ZNF385B: variants seen among roughly 807,000 people sequenced by gnomAD.
The protein encoded by ZNF385B is zinc finger protein 385B.
In ZNF385B, 23 loss-of-function variants were observed where a neutral mutation model predicts 39.2. The ratio of observed to expected loss-of-function variants is 0.59; its 90% CI spans 0.42 to 0.83. ZNF385B has a LOEUF of 0.83. Among genes scored for constraint, ZNF385B ranks in the 40% least tolerant of loss-of-function variants. The probability of loss-of-function intolerance (pLI) is 0.00; values close to 1 mark genes in which losing one functional copy is unlikely to be tolerated. For missense variants in ZNF385B, 552 were observed against 598.9 expected (o/e 0.92, Z 0.82); for synonymous variants, 205 against 222.6 (o/e 0.92, Z 0.70).
At chr2:179,839,308 C>T (rs1306764188) in intron 1 of ZNF385B, among the ~76,000 whole-genome samples, 1 of 152,170 alleles carries the variant, frequency 6.6e-6, no homozygotes, top group African/African-American at 2.4e-5. Context: ...GAACTGTGAG[C>T]AGTTGGAGTC....
chr2:179,496,454 C>T (rs1169723146), intron 5 of ZNF385B, among the ~76,000 whole-genome samples: 1 of 151,990 alleles, frequency 6.6e-6, no homozygotes, highest in Non-Finnish European at 1.5e-5. Context: ...GAGAACTTCC[C>T]AAACATAGAG....
chr2:179,713,586 T>G (rs923843603), intron 3 of ZNF385B, among the ~76,000 whole-genome samples: 3 of 152,214 alleles, frequency 2.0e-5, no homozygotes, highest in African/African-American at 7.2e-5. Context: ...ATTGCATGAT[T>G]ATTTGATTAA....
intron 3 of ZNF385B, among the ~76,000 whole-genome samples, chr2:179,669,238 G>C (rs1265997831): frequency 6.6e-6 from 1 of 152,140 alleles, no homozygotes; most frequent in African/African-American, 2.4e-5. Context: ...TGAGGAGTGG[G>C]GATTTGAAAG....
At chr2:179,773,540 G>A (rs925425013) in intron 1 of ZNF385B, among the ~76,000 whole-genome samples, 1 of 152,076 alleles carries the variant, frequency 6.6e-6, no homozygotes, top group African/African-American at 2.4e-5. Context: ...GCACTCCTGA[G>A]GCATTGTGTT....
intron 3 of ZNF385B, among the ~76,000 whole-genome samples, chr2:179,767,976 G>A (rs1316698602): frequency 6.7e-6 from 1 of 149,604 alleles, no homozygotes; most frequent in African/African-American, 2.4e-5. Flanking sequence ...TTGAGATGGA[G>A]TCTCGCTCTA....
chr2:179,808,002 C>G (rs1706487536), intron 1 of ZNF385B, among the ~76,000 whole-genome samples: 1 of 151,872 alleles, frequency 6.6e-6, no homozygotes, highest in African/African-American at 2.4e-5. Context: ...ATACAAATAT[C>G]ATTTATAATA....
intron 3 of ZNF385B, among the ~76,000 whole-genome samples, chr2:179,581,517 G>A (rs1686516982): frequency 1.3e-5 from 2 of 152,114 alleles, no homozygotes; most frequent in South Asian, 2.1e-4. Context: ...CTGGTAAAAC[G>A]TTTCTCCTTA....
intron 4 of ZNF385B, among the ~76,000 whole-genome samples, chr2:179,529,234 T>G (rs889062079): frequency 6.6e-6 from 1 of 152,206 alleles, no homozygotes; most frequent in Non-Finnish European, 1.5e-5. Flanking sequence ...CAAATGCAAC[T>G]GCTGTTTTCA....
Position 179,443,264 on chromosome 2 carries a change from AGAG to A in ZNF385B, c.1444_1446del (p.Leu482del). On this transcript the variant is annotated inframe_deletion, in exon 10 of 10. Coordinates refer to ENST00000410066, the MANE Select transcript of ZNF385B (RefSeq NM_152520.6). ...GTTTGCAGACGTTAGTACGGAGCAAAGAGGATGGAGGCAGGAGTGGCGCGGATG... is the reference window on the plus strand; with the variant it reads ...GTTTGCAGACGTTAGTACGGAGCAAAGATGGAGGCAGGAGTGGCGCGGATG... The A allele has an allele frequency of 6.2e-7, 1 of 1,612,408 alleles. No individual in the cohort carries two copies. Among genetic ancestry groups the A allele is most frequent in the Non-Finnish European group, 8.5e-7 (1 of 1,180,020 alleles).
intron 4 of ZNF385B, chr2:179,523,035 C>A: frequency 3.8e-6 from 1 of 261,424 alleles, no homozygotes; most frequent in Non-Finnish European, 8.2e-6. Flanking sequence ...AAGCCTGAAA[C>A]ACTAACTAAA....
intron 3 of ZNF385B, among the ~76,000 whole-genome samples, chr2:179,699,515 C>G (rs1032425996): frequency 2.6e-5 from 4 of 152,168 alleles, no homozygotes; most frequent in African/African-American, 4.8e-5. Flanking sequence ...GGGTTTTTCA[C>G]TACACAATTA....
intron 3 of ZNF385B, chr2:179,745,654 A>G: frequency 7.0e-7 from 1 of 1,428,682 alleles, no homozygotes; most frequent in Middle Eastern, 1.8e-4. Context: ...AACATACAAA[A>G]GAATCTGTTA....
intron 1 of ZNF385B, among the ~76,000 whole-genome samples, chr2:179,780,227 G>A (rs1489871106): frequency 6.6e-6 from 1 of 152,150 alleles, no homozygotes; most frequent in Non-Finnish European, 1.5e-5. Context: ...CTTCATGTTA[G>A]AGAATGAACA....
intron 3 of ZNF385B, among the ~76,000 whole-genome samples, chr2:179,694,310 C>T (rs943653576): frequency 1.5e-4 from 22 of 150,478 alleles, no homozygotes; most frequent in Admixed American, 1.1e-3. Context: ...AGAGATGACA[C>T]ATCTAGAATT....
chr2:179,676,606 G>A (rs1696863931), intron 3 of ZNF385B, among the ~76,000 whole-genome samples: 1 of 152,208 alleles, frequency 6.6e-6, no homozygotes, highest in Non-Finnish European at 1.5e-5. Context: ...AGCAGCGGGG[G>A]GACAGGCAGA....
At chr2:179,705,664 A>G (rs1401676800) in intron 3 of ZNF385B, among the ~76,000 whole-genome samples, 2 of 152,170 alleles carry the variant, frequency 1.3e-5, no homozygotes, top group Non-Finnish European at 2.9e-5. Flanking sequence ...CTTTGACCTC[A>G]GTAAGAGAAA....
At chr2:179,682,726 T>G (rs2106327719) in intron 3 of ZNF385B, among the ~76,000 whole-genome samples, 1 of 152,298 alleles carries the variant, frequency 6.6e-6, no homozygotes, top group Admixed American at 6.5e-5. Context: ...TACATTTGTA[T>G]GTATGTGATA....
rs576097531 is a variant in ZNF385B at position 179,624,018 on chromosome 2, C to T, written c.299-79049G>A. Among the ~76,000 whole-genome samples the T allele has an allele frequency of 5.3e-5, 8 of 152,276 alleles. No homozygotes were observed. The East Asian group carries it at 1.5e-3, about 29-fold the overall frequency. ...CTGGTAGTTGTTTCTATGCTTTCCT[C>T]AAGATCACCTCTCCTTAGGTTCACT... On this transcript the variant is annotated intron_variant, in intron 3 of 9. Coordinates refer to ENST00000410066, the MANE Select transcript of ZNF385B (RefSeq NM_152520.6).
At chr2:179,524,726 A>G (rs1192667535) in intron 4 of ZNF385B, among the ~76,000 whole-genome samples, 2 of 152,062 alleles carry the variant, frequency 1.3e-5, no homozygotes, top group African/African-American at 4.8e-5. Context: ...AGGTAGTACA[A>G]ACTCTACTCA....
Sources: gnomAD v4.1 joint callset for allele counts (sites outside exome capture counted in the v4.1 genomes callset) on GRCh38, gnomAD v4.1.1 for gene constraint, MANE v1.5 for transcripts, NCBI Gene and HGNC (gene_info 2026-07-23, HGNC 2026-07-21) for gene names.